The following ROBO2 variants were observed in gnomAD, a reference collection of about 807,000 sequenced individuals.
ROBO2 encodes roundabout homolog 2.
ROBO2 carries 53 observed loss-of-function variants against 160.8 expected under a neutral mutation model. The ratio of observed to expected loss-of-function variants is 0.33; its 90% CI spans 0.26 to 0.41. ROBO2 has a LOEUF of 0.41. Ranked by LOEUF, ROBO2 falls within the 10% of genes least tolerant of loss-of-function variation. ROBO2 has a pLI of 1.00. For synonymous variants in ROBO2, 664 were observed against 611.7 expected (o/e 1.09, Z -1.26); for missense variants, 1,577 against 1,722.4 (o/e 0.92, Z 1.49).
intron 2 of ROBO2, among the ~76,000 whole-genome samples, chr3:77,460,353 T>C (rs2082121102): frequency 6.6e-6 from 1 of 152,162 alleles, no homozygotes; most frequent in Admixed American, 6.5e-5. Context: ...TTTGGTAATG[T>C]TGAGTTACTC....
At chr3:76,206,815 G>A (rs1261130845) in intron 2 of ROBO2, among the ~76,000 whole-genome samples, 1 of 152,156 alleles carries the variant, frequency 6.6e-6, no homozygotes, top group Non-Finnish European at 1.5e-5. Flanking sequence ...ATAGAGGGTA[G>A]TAATGTGCAA....
chr3:76,837,944 T>C (rs1039401991), intron 2 of ROBO2, among the ~76,000 whole-genome samples: 1 of 152,036 alleles, frequency 6.6e-6, no homozygotes, highest in Non-Finnish European at 1.5e-5. Context: ...ATTTGGAGTA[T>C]TTTCCCAACC....
At chr3:76,431,242 AAAATC>A (rs1341262453) in intron 2 of ROBO2, among the ~76,000 whole-genome samples, 2 of 150,834 alleles carry the variant, frequency 1.3e-5, no homozygotes, top group African/African-American at 5.0e-5. Flanking sequence ...GTCAGCAAAA[AAAATC>A]AAAGTTAATT....
intron 2 of ROBO2, among the ~76,000 whole-genome samples, chr3:76,250,265 C>T (rs980582741): frequency 2.6e-5 from 4 of 152,012 alleles, no homozygotes; most frequent in Admixed American, 1.3e-4. Flanking sequence ...AATCACATAT[C>T]GGAATGTAAA....
chr3:76,502,515 G>C (rs2080517802), intron 2 of ROBO2, among the ~76,000 whole-genome samples: 1 of 152,138 alleles, frequency 6.6e-6, no homozygotes, highest in Non-Finnish European at 1.5e-5. Context: ...GTTTAGGATT[G>C]ACATTTTACT....
intron 2 of ROBO2, among the ~76,000 whole-genome samples, chr3:76,890,468 C>A (rs1000215242): frequency 6.6e-6 from 1 of 152,168 alleles, no homozygotes; most frequent in Non-Finnish European, 1.5e-5. Flanking sequence ...GGGTGTTCTA[C>A]CTCTACCCCA....
chr3:77,307,059 C>T (rs949685624), intron 2 of ROBO2, among the ~76,000 whole-genome samples: 2 of 152,164 alleles, frequency 1.3e-5, no homozygotes, highest in African/African-American at 4.8e-5. Flanking sequence ...TTTCACAGAA[C>T]AATTACAGCC....
At chr3:76,491,213 T>C (rs2079805216) in intron 2 of ROBO2, among the ~76,000 whole-genome samples, 1 of 152,066 alleles carries the variant, frequency 6.6e-6, no homozygotes, top group Admixed American at 6.6e-5. Flanking sequence ...CCTCCCAAAG[T>C]GCTGGGATTG....
chr3:76,208,072 T>C (rs1702918119), intron 2 of ROBO2, among the ~76,000 whole-genome samples: 1 of 152,170 alleles, frequency 6.6e-6, no homozygotes, highest in Non-Finnish European at 1.5e-5. Flanking sequence ...CTCCCCTCTT[T>C]GCCTTCTGCC....
intron 2 of ROBO2, among the ~76,000 whole-genome samples, chr3:76,724,539 A>G (rs1248951258): frequency 6.6e-6 from 1 of 152,212 alleles, no homozygotes. Flanking sequence ...TCAGAAATTT[A>G]TGATGCCAAG....
intron 2 of ROBO2, among the ~76,000 whole-genome samples, chr3:76,215,429 G>T (rs1703445606): frequency 6.6e-6 from 1 of 152,100 alleles, no homozygotes; most frequent in African/African-American, 2.4e-5. Flanking sequence ...TTAGACGAAT[G>T]GCTAACTAGA....
intron 2 of ROBO2, among the ~76,000 whole-genome samples, chr3:76,904,749 C>T (rs1456571851): frequency 2.0e-5 from 3 of 152,132 alleles, no homozygotes; most frequent in South Asian, 2.1e-4. Context: ...GCATATTCTC[C>T]ATAAATGTGA....
At chr3:75,946,798 C>G (rs996953274) in intron 2 of ROBO2, among the ~76,000 whole-genome samples, 3 of 152,030 alleles carry the variant, frequency 2.0e-5, no homozygotes, top group African/African-American at 7.2e-5. Flanking sequence ...TGAGTGCTCT[C>G]AGGGACCAAA....
rs550073632 is a variant in ROBO2 at position 76,859,144 on chromosome 3, A to G, written c.110-238870A>G. ...GTTGATTTCTTGAGTGCTGAACATC[A>G]ATTTTGCCAGAGGGAGAGCAAAAGA... On this transcript the variant is annotated intron_variant, in intron 2 of 26. Transcript: ENST00000487694. 2.6e-5 allele frequency among the ~76,000 whole-genome samples: 4 copies of G among 152,318 alleles called. No homozygotes were observed. The South Asian group carries it at 8.3e-4, about 32-fold the overall frequency.
chr3:76,167,161 G>A (rs1034335516), intron 2 of ROBO2, among the ~76,000 whole-genome samples: 4 of 151,944 alleles, frequency 2.6e-5, no homozygotes, highest in African/African-American at 4.8e-5. Context: ...GGCTGATCTC[G>A]AACTCCTGAC....
At chr3:76,378,975 G>A (rs2076488591) in intron 2 of ROBO2, among the ~76,000 whole-genome samples, 1 of 152,122 alleles carries the variant, frequency 6.6e-6, no homozygotes, top group Non-Finnish European at 1.5e-5. Flanking sequence ...TATTATCTAG[G>A]CAATTGTGAG....
chr3:75,964,272 A>C (rs1336463955), intron 2 of ROBO2, among the ~76,000 whole-genome samples: 2 of 151,800 alleles, frequency 1.3e-5, no homozygotes, highest in South Asian at 4.1e-4. Flanking sequence ...TTTTTGCAGA[A>C]TGTGTAAAAA....
intron 2 of ROBO2, among the ~76,000 whole-genome samples, chr3:76,290,406 A>G (rs1215010355): frequency 2.0e-5 from 3 of 152,144 alleles, no homozygotes; most frequent in African/African-American, 4.8e-5. Context: ...TATCAGATCT[A>G]TGAGCTTTTG....
chr3:77,291,430 C>G (rs1415187338), intron 2 of ROBO2, among the ~76,000 whole-genome samples: 2 of 151,638 alleles, frequency 1.3e-5, no homozygotes, highest in Non-Finnish European at 2.9e-5. Flanking sequence ...TAAGCTGAGG[C>G]TAGATCACCC....
Sources: allele counts gnomAD v4.1 joint callset (sites outside exome capture counted in the v4.1 genomes callset), GRCh38; gene constraint gnomAD v4.1.1; transcripts MANE v1.5; gene names NCBI Gene and HGNC (gene_info 2026-07-23, HGNC 2026-07-21).